The following TSLP variants were observed in gnomAD, a reference collection of about 807,000 sequenced individuals.
TSLP encodes the protein thymic stromal lymphopoietin.
A neutral mutation model predicts 12.4 loss-of-function variants in TSLP; 12 were observed. The ratio of observed to expected loss-of-function variants is 0.97; its 90% CI spans 0.62 to 1.57. The LOEUF is 1.57. Among genes scored for constraint, TSLP ranks in the 40% most tolerant of loss-of-function variants. The pLI is 0.00. For synonymous variants in TSLP, 97 were observed against 69.5 expected (o/e 1.40, Z -1.97); for missense variants, 222 against 189.6 (o/e 1.17, Z -1.00).
intron 3 of TSLP, among the ~76,000 whole-genome samples, chr5:111,073,856 C>G (rs1488077541): frequency 6.6e-6 from 1 of 152,150 alleles, no homozygotes; most frequent in African/African-American, 2.4e-5. Context: ...ACTGTTTTGG[C>G]TGAATTATGG....
chr5:111,075,233 TTGTG>T (rs1752466671), intron 3 of TSLP, among the ~76,000 whole-genome samples: 1 of 152,164 alleles, frequency 6.6e-6, no homozygotes, highest in Non-Finnish European at 1.5e-5. Flanking sequence ...TTTTTAAGAT[TTGTG>T]CTTAATAACC....
At chr5:111,072,161 G>GA in intron 1 of TSLP, 100 bp downstream of exon 1, 3 of 1,042,390 alleles carry the variant, frequency 2.9e-6, no homozygotes, top group East Asian at 5.1e-5. Context: ...AAATAATTTA[G>GA]AAAAAATCAT....
chr5:111,071,273 C>T (rs906227807), upstream of TSLP: 7 of 562,116 alleles, frequency 1.2e-5, no homozygotes, highest in African/African-American at 5.8e-5. Flanking sequence ...CAGTTTCTTA[C>T]TAGCCAAGGA....
At chr5:111,075,615 C>A (rs113501308) in intron 3 of TSLP, among the ~76,000 whole-genome samples, 56 of 152,220 alleles carry the variant, frequency 3.7e-4, no homozygotes, top group Non-Finnish European at 5.9e-4. Flanking sequence ...ATGGGGAATA[C>A]CTATGATGCA....
In TSLP at chr5:111,073,622, T is replaced by C; in HGVS notation, c.328T>C (p.Cys110Arg). The change falls in exon 3 of 4, where the codon TGC becomes CGC. Residue 110 changes from cysteine (C) to arginine (R), a missense_variant. Physicochemically the swap from Cys to Arg is radical, Grantham distance 180 (BLOSUM62 -3). Transcript: ENST00000344895. ...AACTAAGGCTGCCTTAGCTATCTGG[T>C]GCCCAGGCTATTCGGAAACTCAGGT... ...MKTKAALAIW[C>R]PGYSETQINA... 5 of 1,614,224 alleles carry C rather than the reference T, an allele frequency of 3.1e-6. No individual in the cohort carries two copies. Among genetic ancestry groups the C allele is most frequent in the Non-Finnish European group, 4.2e-6 (5 of 1,180,036 alleles).
At chr5:111,070,195 G>C (rs973783525), upstream of TSLP, 3 of 152,376 alleles carry the variant, frequency 2.0e-5, no homozygotes, top group Non-Finnish European at 2.9e-5. Flanking sequence ...TGACCCTCTC[G>C]AGTGCCTTCT....
chr5:111,071,725 C>G lies in TSLP; in HGVS notation c.-166C>G, dbSNP rs1023120637. ...AAAGCTCTGGAGCATCAGGGAGACTCCAACTTAAGGCAACAGCATGGGTGA... is the reference window on the plus strand; with the variant it reads ...AAAGCTCTGGAGCATCAGGGAGACTGCAACTTAAGGCAACAGCATGGGTGA... On this transcript the variant is annotated 5_prime_UTR_variant, in exon 1 of 4. Coordinates refer to ENST00000344895, the MANE Select transcript of TSLP (RefSeq NM_033035.5). 3 of 1,217,096 alleles carry G rather than the reference C, an allele frequency of 2.5e-6. No individual in the cohort carries two copies. Among genetic ancestry groups the G allele is most frequent in the Non-Finnish European group, 2.3e-6 (2 of 877,794 alleles). The allele number at this position is 1,217,096 out of a possible 1,614,324, so 75.4% of individuals were successfully genotyped here. A position where few individuals can be genotyped will look rare whatever the true frequency, so the allele number is the denominator to read the frequency against.
rs555990940 is a variant in TSLP at position 111,073,484 on chromosome 5, C to G, written c.217-27C>G. The G allele has an allele frequency of 6.8e-6, 11 of 1,613,630 alleles. No homozygotes were observed. In the South Asian group the frequency reaches 9.9e-5, roughly 15 times the overall value. On this transcript the variant is annotated intron_variant, in intron 2 of 3. Coordinates refer to ENST00000344895, the MANE Select transcript of TSLP (RefSeq NM_033035.5). ...TCTCTCTCTGGTGTTTTCTCCTTTT[C>G]TCGTAAACTTTGCCGCCTATGAGCA... is the stretch of plus-strand genomic sequence containing the variant.
rs1438028540 is a variant in TSLP, at chr5:111,077,160, T to A, written c.*1086T>A. On this transcript the variant is annotated 3_prime_UTR_variant, in exon 4 of 4. Coordinates refer to ENST00000344895, the MANE Select transcript of TSLP (RefSeq NM_033035.5). Reference sequence around the variant, plus strand: ...CACTCAATTTCCACTCAGAACCCTATAAACACCAGTGGGAAGGGCAACCCA... The same window carrying A: ...CACTCAATTTCCACTCAGAACCCTAAAAACACCAGTGGGAAGGGCAACCCA... 2 of 152,238 alleles carry A rather than the reference T, an allele frequency of 1.3e-5. No individual in the cohort carries two copies. 9.4% of individuals were successfully genotyped at this position (152,238 alleles called of 1,614,324 possible).
rs1752502545 is a variant in TSLP at position 111,076,195 on chromosome 5, G to C, written c.*121G>C. 7.4e-6 allele frequency: 9 copies of C among 1,208,896 alleles called. No individual in the cohort carries two copies. The South Asian group carries it at 1.1e-4, about 15-fold the overall frequency. 74.9% of individuals were successfully genotyped at this position (1,208,896 alleles called of 1,614,324 possible). On this transcript the variant is annotated 3_prime_UTR_variant, in exon 4 of 4. Transcript: ENST00000344895. Reference sequence around the variant, plus strand: ...AAATAGTTATCTTTTAATTACAGAAGAGTTTCTTAACTTACTTTTGTAAGT... The same window carrying C: ...AAATAGTTATCTTTTAATTACAGAACAGTTTCTTAACTTACTTTTGTAAGT...
rs1286690497 is a variant in TSLP at position 111,077,199 on chromosome 5, T to C, written c.*1125T>C. On this transcript the variant is annotated 3_prime_UTR_variant, in exon 4 of 4. Coordinates refer to ENST00000344895, the MANE Select transcript of TSLP (RefSeq NM_033035.5). ...AAGGGCAACCCACTGCACGTGGGAATGCACTGATTTTTCCTAGGAGTAGAC... is the reference window on the plus strand; with the variant it reads ...AAGGGCAACCCACTGCACGTGGGAACGCACTGATTTTTCCTAGGAGTAGAC... The C allele has an allele frequency of 6.6e-6, 1 of 152,216 alleles. No individual in the cohort carries two copies. Among genetic ancestry groups the C allele is most frequent in the Non-Finnish European group, 1.5e-5 (1 of 68,042 alleles). The allele number at this position is 152,216 out of a possible 1,614,324, so 9.4% of individuals were successfully genotyped here.
intron 1 of TSLP, 92 bp downstream of exon 1, chr5:111,072,153 A>G (rs1330480311): frequency 1.8e-6 from 2 of 1,126,358 alleles, no homozygotes. Flanking sequence ...GGAAAGAAAA[A>G]TAATTTAGAA....
intron 3 of TSLP, among the ~76,000 whole-genome samples, chr5:111,075,295 A>C (rs544958608): frequency 1.3e-5 from 2 of 152,306 alleles, no homozygotes; most frequent in East Asian, 3.9e-4. Context: ...GGCCCAGTGT[A>C]CTACTCAAAG....
chr5:111,071,808 C>A lies in TSLP; in HGVS notation c.-83C>A. Reference sequence around the variant, plus strand: ...CAAAACCTGGTGCTTGAGCACTGGCCCCTAAGGCAGGCCTTACAGATCTCT... The same window carrying A: ...CAAAACCTGGTGCTTGAGCACTGGCACCTAAGGCAGGCCTTACAGATCTCT... On this transcript the variant is annotated 5_prime_UTR_variant, in exon 1 of 4. Transcript: ENST00000344895. 1 of 1,518,628 alleles carries A rather than the reference C, an allele frequency of 6.6e-7. No homozygotes were observed. The allele number at this position is 1,518,628 out of a possible 1,614,324, so 94.1% of individuals were successfully genotyped here. A position where few individuals can be genotyped will look rare whatever the true frequency, so the allele number is the denominator to read the frequency against.
In TSLP at chr5:111,071,879, G is replaced by T. The variant is rs762987303; in HGVS notation, c.-12G>T. Reference sequence around the variant, plus strand: ...TTTAGTGTGAAACTGGGGTGGAATTGGGTGTCCACGTATGTTCCCTTTTGC... The same window carrying T: ...TTTAGTGTGAAACTGGGGTGGAATTTGGTGTCCACGTATGTTCCCTTTTGC... On this transcript the variant is annotated 5_prime_UTR_variant, in exon 1 of 4. Coordinates refer to ENST00000344895, the MANE Select transcript of TSLP (RefSeq NM_033035.5). The T allele has an allele frequency of 2.1e-5, 34 of 1,610,950 alleles. 1 individual carries two copies. In the South Asian group the frequency reaches 3.1e-4, roughly 15 times the overall value.
Position 111,072,012 on chromosome 5 carries a change from C to T in TSLP, c.122C>T (p.Ala41Val), listed in dbSNP as rs1323309760. ...FTNCDFEKIKAAYLSTISKDL... is the reference protein window; with the variant it reads ...FTNCDFEKIKVAYLSTISKDL... ...AACTGTGACTTTGAGAAGATTAAAG[C>T]AGCCTATCTCAGTACTATTTCTAAA... Residue 41 changes from alanine to valine, a missense_variant, in exon 1 of 4, where the codon GCA becomes GTA. Ala to Val is a moderately conservative substitution (Grantham distance 64, BLOSUM62 0). Coordinates refer to ENST00000344895, the MANE Select transcript of TSLP (RefSeq NM_033035.5). 2 of 1,614,050 alleles carry T rather than the reference C, an allele frequency of 1.2e-6. No individual in the cohort carries two copies. Among genetic ancestry groups the T allele is most frequent in the Admixed American group, 1.7e-5 (1 of 60,006 alleles).
chr5:111,073,244 C>G, intron 2 of TSLP: 6 of 1,387,074 alleles, frequency 4.3e-6, no homozygotes, highest in Non-Finnish European at 5.6e-6. Context: ...ATTTTGGCAG[C>G]CTCCGCCCCC....
upstream of TSLP, chr5:111,070,662 C>T (rs565758315): frequency 2.0e-5 from 3 of 152,452 alleles, no homozygotes; most frequent in Admixed American, 2.0e-4. Context: ...TGCTTTTAAG[C>T]GCTCTTTTCT....
chr5:111,071,662 G>A, upstream of TSLP: 1 of 1,374,182 alleles, frequency 7.3e-7, no homozygotes, highest in South Asian at 1.6e-5. Flanking sequence ...TAGGAGAAAA[G>A]AGCCCGTAGG....
Sources: allele counts gnomAD v4.1 joint callset (sites outside exome capture counted in the v4.1 genomes callset), GRCh38; gene constraint gnomAD v4.1.1; transcripts MANE v1.5; gene names NCBI Gene and HGNC (gene_info 2026-07-23, HGNC 2026-07-21).